Variants in THEMIS observed in about 807,000 individuals in gnomAD.
The protein encoded by THEMIS is thymocyte selection associated, also known as protein THEMIS.
THEMIS carries 37 observed loss-of-function variants against 52.6 expected under a neutral mutation model. That is an observed-to-expected ratio of 0.70 (90% CI 0.54 to 0.93). THEMIS has a LOEUF of 0.93. THEMIS is among the 40% of genes least tolerant of loss of function. The pLI is 0.00. For synonymous variants in THEMIS, 292 were observed against 272.7 expected, an observed-to-expected ratio of 1.07 and a Z score of -0.70; for missense variants, 808 against 763.1, an observed-to-expected ratio of 1.06 and a Z score of -0.69.
rs1367473350 is a variant in THEMIS, at chr6:127,785,002, TC to T, written c.1758+27880del. Reference sequence around the variant, plus strand: ...ATCTATCTATCTATCTATCTATCTATCTATTATCTATCTATCTATCTACCTA... The same window carrying T: ...ATCTATCTATCTATCTATCTATCTATTATTATCTATCTATCTATCTACCTA... On this transcript the variant is annotated intron_variant, in intron 4 of 5. Transcript: ENST00000368248. Among the ~76,000 whole-genome samples, 16 of 123,830 alleles carry T rather than the reference TC, an allele frequency of 1.3e-4. 1 individual carries two copies. The East Asian group carries it at 2.0e-3, about 15-fold the overall frequency. 81.2% of individuals were successfully genotyped at this position (123,830 alleles called of 152,430 possible). A position where few individuals can be genotyped will look rare whatever the true frequency, so the allele number is the denominator to read the frequency against.
the THEMIS span, among the ~76,000 whole-genome samples, chr6:127,699,558 T>C: frequency 6.6e-6 from 1 of 150,952 alleles, no homozygotes; most frequent in Non-Finnish European, 1.5e-5. Flanking sequence ...AGTGCCACCA[T>C]ATTACAAGAA....
intron 3 of THEMIS, among the ~76,000 whole-genome samples, chr6:127,824,489 CCTTA>C (rs1778437579): frequency 6.6e-6 from 1 of 151,926 alleles, no homozygotes; most frequent in Non-Finnish European, 1.5e-5. Flanking sequence ...AGAAACAGTG[CCTTA>C]CTTGTACATT....
At chr6:127,881,705 G>T (rs1397926449) in intron 1 of THEMIS, among the ~76,000 whole-genome samples, 1 of 151,670 alleles carries the variant, frequency 6.6e-6, no homozygotes, top group Non-Finnish European at 1.5e-5. Flanking sequence ...TTTTATCTAA[G>T]TTTATTTGCT....
At chr6:127,900,409 TA>T (rs1345987241) in intron 1 of THEMIS, among the ~76,000 whole-genome samples, 1 of 152,094 alleles carries the variant, frequency 6.6e-6, no homozygotes, top group Non-Finnish European at 1.5e-5. Flanking sequence ...ATTTAGGAGC[TA>T]AAAGTTTGGG....
At chr6:127,839,559 G>A (rs1778977292) in intron 2 of THEMIS, among the ~76,000 whole-genome samples, 1 of 151,978 alleles carries the variant, frequency 6.6e-6, no homozygotes, top group Non-Finnish European at 1.5e-5. Context: ...CTGGAGTGTA[G>A]TGGTGGAGTC....
At chr6:127,787,263 C>A (rs915809928) in intron 4 of THEMIS, among the ~76,000 whole-genome samples, 5 of 150,998 alleles carry the variant, frequency 3.3e-5, no homozygotes, top group African/African-American at 1.2e-4. Context: ...CTCTAGCATG[C>A]ACATGTGTGC....
chr6:127,794,001 C>T (rs1405493852), intron 4 of THEMIS, among the ~76,000 whole-genome samples: 1 of 152,022 alleles, frequency 6.6e-6, no homozygotes, highest in African/African-American at 2.4e-5. Flanking sequence ...TATTTAAAGC[C>T]TAAAAGAAGA....
chr6:127,868,722 A>G (rs1326925287), intron 1 of THEMIS, among the ~76,000 whole-genome samples: 1 of 152,178 alleles, frequency 6.6e-6, no homozygotes, highest in Non-Finnish European at 1.5e-5. Context: ...AGCACTCTTA[A>G]TGGAGACGAT....
chr6:127,750,343 A>G (rs932868265), intron 4 of THEMIS, among the ~76,000 whole-genome samples: 2 of 151,588 alleles, frequency 1.3e-5, no homozygotes, highest in South Asian at 2.1e-4. Flanking sequence ...GTCTTGGCCT[A>G]TAAGTAAAAT....
intron 4 of THEMIS, chr6:127,807,195 T>C (rs1028038442): frequency 1.1e-5 from 2 of 182,922 alleles, no homozygotes; most frequent in Admixed American, 6.3e-5. Flanking sequence ...ACCCCATCTC[T>C]ACTAAAAATA....
chr6:127,876,773 C>T (rs1780325635), intron 1 of THEMIS, among the ~76,000 whole-genome samples: 1 of 152,178 alleles, frequency 6.6e-6, no homozygotes, highest in East Asian at 1.9e-4. Flanking sequence ...ATGGCTAGAT[C>T]TGCCTCCACT....
chr6:127,829,526 T>A lies in THEMIS; in HGVS notation c.659A>T (p.Tyr220Phe), dbSNP rs768280784. Residue 220 changes from tyrosine to phenylalanine, a missense_variant, in exon 3 of 6, where the codon TAT (tyrosine) becomes TTT (phenylalanine). Physicochemically the swap from Tyr to Phe is conservative, Grantham distance 22. Coordinates refer to ENST00000368248, the MANE Select transcript of THEMIS (RefSeq NM_001010923.3). ...AACAGGCTTGAGAATCAGGGTACCATAAAAGTCTTTAGGAAATGGATTCGT... is the reference window on the plus strand; with the variant it reads ...AACAGGCTTGAGAATCAGGGTACCAAAAAAGTCTTTAGGAAATGGATTCGT... ...DSTNPFPKDFYGTLILKPVYE... is the reference protein window; with the variant it reads ...DSTNPFPKDFFGTLILKPVYE... 116 of 1,612,992 alleles carry A rather than the reference T, an allele frequency of 7.2e-5. No individual in the cohort carries two copies. Among genetic ancestry groups the A allele is most frequent in the Non-Finnish European group, 9.7e-5 (115 of 1,179,618 alleles).
chr6:127,728,728 G>A (rs1051611364), intron 4 of THEMIS, among the ~76,000 whole-genome samples: 1 of 152,054 alleles, frequency 6.6e-6, no homozygotes, highest in Admixed American at 6.6e-5. Context: ...GTTGGGATTG[G>A]GGGTGAGGTG....
chr6:127,867,225 G>C (rs1780010635), intron 1 of THEMIS, among the ~76,000 whole-genome samples: 1 of 151,874 alleles, frequency 6.6e-6, no homozygotes, highest in African/African-American at 2.4e-5. Context: ...TGATTATTTG[G>C]GATACAAAGT....
At chr6:127,794,096 A>G (rs1262279100) in intron 4 of THEMIS, among the ~76,000 whole-genome samples, 1 of 152,250 alleles carries the variant, frequency 6.6e-6, no homozygotes, top group Non-Finnish European at 1.5e-5. Context: ...AGATTACTTA[A>G]TGAGAGTAAG....
upstream of THEMIS, among the ~76,000 whole-genome samples, chr6:127,904,612 A>G (rs934912696): frequency 1.3e-5 from 2 of 152,018 alleles, no homozygotes; most frequent in African/African-American, 4.8e-5. Context: ...CAACATCTAT[A>G]ATTAAGTATG....
rs143835271 is a variant in THEMIS, at chr6:127,915,510, A to C, written c.-150+2918T>G. Among the ~76,000 whole-genome samples, 5 of 151,938 alleles carry C rather than the reference A, an allele frequency of 3.3e-5. No individual in the cohort carries two copies. The East Asian group carries it at 9.7e-4, about 30-fold the overall frequency. ...CATACTTACTAAGTAAAGGCAGGGCAAATAAAGATGATGGGCTCTGTACTC... is the reference window on the plus strand; with the variant it reads ...CATACTTACTAAGTAAAGGCAGGGCCAATAAAGATGATGGGCTCTGTACTC... On this transcript the variant is annotated intron_variant, in intron 1 of 6. Transcript: ENST00000368250.
chr6:127,848,703 G>A (rs1172860759), intron 2 of THEMIS, among the ~76,000 whole-genome samples: 1 of 152,068 alleles, frequency 6.6e-6, no homozygotes, highest in African/African-American at 2.4e-5. Context: ...TCACATGTCT[G>A]TTGACTGCAT....
chr6:127,914,170 A>G (rs964620545), intron 1 of THEMIS, among the ~76,000 whole-genome samples: 3 of 152,186 alleles, frequency 2.0e-5, no homozygotes, highest in African/African-American at 7.2e-5. Flanking sequence ...TTTGACTTCA[A>G]CATGAGGCTA....
Sources: allele counts gnomAD v4.1 joint callset (sites outside exome capture counted in the v4.1 genomes callset), GRCh38; gene constraint gnomAD v4.1.1; transcripts MANE v1.5; gene names NCBI Gene and HGNC (gene_info 2026-07-23, HGNC 2026-07-21).